Variants in TEX264 observed in about 807,000 individuals in gnomAD.
The protein encoded by TEX264 is testis expressed 264, ER-phagy receptor.
A neutral mutation model predicts 23.4 loss-of-function variants in TEX264; 13 were observed. The ratio of observed to expected loss-of-function variants is 0.56; its 90% CI spans 0.36 to 0.88. The LOEUF (loss-of-function observed/expected upper bound fraction) is 0.88. Among genes scored for constraint, TEX264 ranks in the 40% least tolerant of loss-of-function variants. The pLI is 0.01. For synonymous variants in TEX264, 159 were observed against 170.0 expected (o/e 0.94, Z 0.50); for missense variants, 340 against 406.8 (o/e 0.84, Z 1.41).
At chr3:51,675,934 G>A (rs1218081700) in intron 2 of TEX264, among the ~76,000 whole-genome samples, 1 of 152,196 alleles carries the variant, frequency 6.6e-6, no homozygotes, top group Non-Finnish European at 1.5e-5. Flanking sequence ...TTTGTTTTAG[G>A]AAGTTAGCTG....
chr3:51,674,644 G>T (rs1289743916), intron 2 of TEX264, 82 bp downstream of exon 2: 3 of 1,534,796 alleles, frequency 2.0e-6, no homozygotes, highest in Non-Finnish European at 2.6e-6. Context: ...TTTGGTTGCT[G>T]AGGAAAGGGT....
At chr3:51,701,003 C>T (rs1703278996) in intron 4 of TEX264, among the ~76,000 whole-genome samples, 1 of 152,254 alleles carries the variant, frequency 6.6e-6, no homozygotes. Context: ...CGCCTCCCTG[C>T]TGTGGCCCTA....
chr3:51,679,519 C>T (rs1702350422), intron 2 of TEX264, among the ~76,000 whole-genome samples: 1 of 152,206 alleles, frequency 6.6e-6, no homozygotes, highest in Admixed American at 6.5e-5. Flanking sequence ...TGTGGCGCAG[C>T]TCTGAAGCTG....
chr3:51,679,670 T>C (rs1305837349), intron 2 of TEX264, among the ~76,000 whole-genome samples: 1 of 152,216 alleles, frequency 6.6e-6, no homozygotes, highest in Non-Finnish European at 1.5e-5. Context: ...GAGCTTATGC[T>C]TGGAAGGCAG....
intron 3 of TEX264, among the ~76,000 whole-genome samples, chr3:51,690,943 A>G (rs1203993898): frequency 3.9e-5 from 6 of 152,230 alleles, no homozygotes; most frequent in African/African-American, 7.2e-5. Context: ...CGATGGCTAT[A>G]TGCCTTTTGC....
intron 2 of TEX264, among the ~76,000 whole-genome samples, chr3:51,675,830 A>G (rs1160495132): frequency 4.6e-5 from 7 of 152,176 alleles, no homozygotes; most frequent in Admixed American, 3.9e-4. Context: ...GTTAGTAGAC[A>G]TGTCTTGGGT....
intron 3 of TEX264, among the ~76,000 whole-genome samples, chr3:51,696,907 A>C (rs1008524879): frequency 6.6e-6 from 1 of 152,150 alleles, no homozygotes; most frequent in Admixed American, 6.5e-5. Context: ...GGACCAGGCT[A>C]GTTTTGGGCC....
In TEX264 at chr3:51,691,884, C is replaced by T. The variant is rs939459825; in HGVS notation, c.480+7250C>T. ...TCCCAGATGTCCCCAAGCCAAGAGG[C>T]GATCCTCCCACCATACCACGGCTTG... On this transcript the variant is annotated intron_variant, in intron 3 of 4. Transcript: ENST00000341333. This position sits in a 1 kb window ranked among gnomAD's most constrained non-coding sequence, Gnocchi z 4.4. Among the ~76,000 whole-genome samples the T allele has an allele frequency of 4.6e-5, 7 of 152,230 alleles. No individual in the cohort carries two copies. Among genetic ancestry groups the T allele is most frequent in the Non-Finnish European group, 1.0e-4 (7 of 68,048 alleles).
At position 51,691,540 on chromosome 3, in the gene TEX264, C is replaced by T. The variant is rs953675291; in HGVS notation, c.480+6906C>T. Among the ~76,000 whole-genome samples, 6 of 152,102 alleles carry T rather than the reference C, an allele frequency of 3.9e-5. No individual in the cohort carries two copies. Among genetic ancestry groups the T allele is most frequent in the African/African-American group, 1.2e-4 (5 of 41,384 alleles). ...GTGCGGTGGTGGCATTTGGGCTGCA[C>T]CTATAAGGTAGGCAGTGTTCCCCAG... is the stretch of plus-strand genomic sequence containing the variant. On this transcript the variant is annotated intron_variant, in intron 3 of 4. Transcript: ENST00000341333. This position sits in a 1 kb window ranked among gnomAD's most constrained non-coding sequence, Gnocchi z 4.4.
chr3:51,674,574 C>T lies in TEX264; in HGVS notation c.258+12C>T, dbSNP rs1282439182. 12 of 1,612,652 alleles carry T rather than the reference C, an allele frequency of 7.4e-6. No homozygotes were observed. The highest frequency in any genetic ancestry group is 2.2e-5 in the East Asian group (1 of 44,846). ...ACAACCCCCACATGGTAAGGAGTCT[C>T]CATGGGGTTCTGCCCCATGGATGGG... is the stretch of plus-strand genomic sequence containing the variant. On this transcript the variant is annotated intron_variant, in intron 2 of 4. Coordinates refer to ENST00000341333, the MANE Select transcript of TEX264 (RefSeq NM_015926.6).
intron 3 of TEX264, among the ~76,000 whole-genome samples, chr3:51,685,535 A>G (rs1396126008): frequency 6.6e-6 from 1 of 152,272 alleles, no homozygotes. Context: ...GGTCAGGGAC[A>G]GCCTCTCAGA....
chr3:51,697,134 G>A (rs890344784), intron 3 of TEX264, among the ~76,000 whole-genome samples: 3 of 152,238 alleles, frequency 2.0e-5, no homozygotes, highest in South Asian at 2.1e-4. Flanking sequence ...CCATGGCAAC[G>A]GGGCTGTCCA....
intron 1 of TEX264, 78 bp from the exon 2 acceptor site, chr3:51,674,193 C>A: frequency 6.6e-7 from 1 of 1,518,130 alleles, no homozygotes; most frequent in Non-Finnish European, 9.0e-7. Context: ...GGAGGTTGGG[C>A]CAGAACTGGT....
chr3:51,698,467 C>T (rs575297066), intron 3 of TEX264, among the ~76,000 whole-genome samples: 16 of 152,060 alleles, frequency 1.1e-4, no homozygotes, highest in Non-Finnish European at 1.9e-4. Context: ...GGAAAGGTGG[C>T]GGGGCAGGCT....
chr3:51,688,403 G>A (rs918672916), intron 3 of TEX264, among the ~76,000 whole-genome samples: 3 of 152,236 alleles, frequency 2.0e-5, no homozygotes, highest in African/African-American at 7.2e-5. Context: ...GATTGTGTGT[G>A]TAAGGTCTCT....
At chr3:51,680,143 T>C (rs1042528440) in intron 2 of TEX264, among the ~76,000 whole-genome samples, 8 of 152,202 alleles carry the variant, frequency 5.3e-5, no homozygotes, top group African/African-American at 1.9e-4. Flanking sequence ...CCTCTGTGCC[T>C]GGGTTTGAGA....
chr3:51,674,126 G>A (rs527491782), intron 1 of TEX264, 145 bp from the exon 2 acceptor site: 2 of 733,202 alleles, frequency 2.7e-6, no homozygotes, highest in Admixed American at 2.9e-5. Flanking sequence ...GTCACTCTGT[G>A]TGTAAACACC....
At position 51,691,950 on chromosome 3, in the gene TEX264, AG is replaced by A. The variant is rs1420193319; in HGVS notation, c.480+7318del. On this transcript the variant is annotated intron_variant, in intron 3 of 4. Transcript: ENST00000341333. This position sits in a 1 kb window ranked among gnomAD's most constrained non-coding sequence, Gnocchi z 4.4. The stretch of plus-strand genomic sequence containing the variant: ...CTTAGGGAGCTACCCTTGGGTATTG[AG>A]GTGTTGGGAGCCAGGCCTCTCCCCT... 6.6e-6 allele frequency among the ~76,000 whole-genome samples: 1 copy of A among 152,134 alleles called. No homozygotes were observed. The highest frequency in any genetic ancestry group is 1.5e-5 in the Non-Finnish European group (1 of 68,010).
intron 3 of TEX264, among the ~76,000 whole-genome samples, chr3:51,692,849 C>T (rs768208964): frequency 6.6e-6 from 1 of 152,256 alleles, no homozygotes; most frequent in Non-Finnish European, 1.5e-5. Context: ...TCTAGCTGAG[C>T]TCTCCTTGGG....
Sources: gnomAD v4.1 joint callset for allele counts (sites outside exome capture counted in the v4.1 genomes callset) on GRCh38, gnomAD v4.1.1 for gene constraint, Gnocchi (gnomAD v3.1) non-coding constraint, MANE v1.5 for transcripts, NCBI Gene and HGNC (gene_info 2026-07-23, HGNC 2026-07-21) for gene names.